The following PITPNC1 variants were observed in gnomAD, a reference collection of about 807,000 sequenced individuals.
PITPNC1 encodes cytoplasmic phosphatidylinositol transfer protein 1.
Under a neutral mutation model 44.7 loss-of-function variants are expected in PITPNC1, and 18 were observed. That is an observed-to-expected ratio of 0.40 (90% CI 0.28 to 0.60). PITPNC1 has a LOEUF of 0.60. Ranked by LOEUF, PITPNC1 falls within the 20% of genes least tolerant of loss-of-function variation. The pLI is 0.39. For missense variants in PITPNC1, 290 were observed against 418.4 expected (o/e 0.69, Z 2.68); for synonymous variants, 141 against 149.6 (o/e 0.94, Z 0.42).
chr17:67,594,755 A>G (rs1465771269), intron 5 of PITPNC1, among the ~76,000 whole-genome samples: 1 of 152,210 alleles, frequency 6.6e-6, no homozygotes, highest in African/African-American at 2.4e-5. Flanking sequence ...CTAGAGTCAA[A>G]CCAGGTGTCT....
chr17:67,650,381 C>T (rs1286344077), intron 6 of PITPNC1, among the ~76,000 whole-genome samples: 1 of 148,766 alleles, frequency 6.7e-6, no homozygotes, highest in Non-Finnish European at 1.5e-5. Flanking sequence ...TGCAAGTTCT[C>T]ATTTGCTTTC....
chr17:67,674,253 C>T (rs2042562901), intron 7 of PITPNC1, among the ~76,000 whole-genome samples: 1 of 152,018 alleles, frequency 6.6e-6, no homozygotes, highest in Admixed American at 6.6e-5. Context: ...CCTGTAATCC[C>T]AGCACTTTGG....
chr17:67,560,251 G>C (rs1461777995), intron 4 of PITPNC1, among the ~76,000 whole-genome samples: 1 of 152,070 alleles, frequency 6.6e-6, no homozygotes, highest in African/African-American at 2.4e-5. Context: ...TTCTCTTTAG[G>C]TCAGAGCCAT....
intron 2 of PITPNC1, among the ~76,000 whole-genome samples, chr17:67,536,718 A>G (rs904864154): frequency 6.6e-6 from 1 of 152,188 alleles, no homozygotes; most frequent in African/African-American, 2.4e-5. Flanking sequence ...ATAAAATGAA[A>G]TGTCAGATAC....
At chr17:67,632,011 G>A (rs2041977616) in intron 5 of PITPNC1, 132 bp from the exon 6 acceptor site, 2 of 615,586 alleles carry the variant, frequency 3.2e-6, no homozygotes, top group Non-Finnish European at 5.9e-6. Flanking sequence ...CGCATTCTGA[G>A]GCTGGTGAAA....
intron 4 of PITPNC1, among the ~76,000 whole-genome samples, chr17:67,571,016 G>A (rs78188322): frequency 0.016 from 2,487 of 152,214 alleles, 73 homozygotes; most frequent in African/African-American, 0.056. Context: ...CCTCAGAGTC[G>A]GTGATGCTTT....
At chr17:67,585,432 G>T (rs1354871785) in intron 5 of PITPNC1, among the ~76,000 whole-genome samples, 1 of 152,148 alleles carries the variant, frequency 6.6e-6, no homozygotes, top group Non-Finnish European at 1.5e-5. Flanking sequence ...AGGGGATTAA[G>T]TTAAAATGAG....
intron 5 of PITPNC1, among the ~76,000 whole-genome samples, chr17:67,605,409 G>C (rs1210676768): frequency 6.6e-6 from 1 of 152,164 alleles, no homozygotes; most frequent in African/African-American, 2.4e-5. Flanking sequence ...CTGCCAGCTG[G>C]CAGCCGCTGT....
intron 6 of PITPNC1, among the ~76,000 whole-genome samples, chr17:67,657,437 A>G (rs1317648803): frequency 6.6e-6 from 1 of 152,184 alleles, no homozygotes; most frequent in Non-Finnish European, 1.5e-5. Context: ...CTGGGCTATA[A>G]CAAAAACACC....
intron 1 of PITPNC1, among the ~76,000 whole-genome samples, chr17:67,455,968 T>C (rs1034415070): frequency 3.3e-5 from 5 of 152,364 alleles, no homozygotes; most frequent in East Asian, 1.9e-4. Context: ...CGTACACTTA[T>C]GTACCCAGCA....
At chr17:67,510,940 T>C (rs138348105) in intron 1 of PITPNC1, among the ~76,000 whole-genome samples, 78 of 152,232 alleles carry the variant, frequency 5.1e-4, no homozygotes, top group Non-Finnish European at 1.0e-3. Context: ...GAAAAGTACA[T>C]GTTCCTTATA....
intron 1 of PITPNC1, chr17:67,471,526 C>T: frequency 2.7e-6 from 1 of 365,454 alleles, no homozygotes; most frequent in Non-Finnish European, 5.2e-6. Flanking sequence ...GTGGTTTTTG[C>T]CATTACTTTC....
At chr17:67,437,522 T>C (rs2038953892) in intron 1 of PITPNC1, among the ~76,000 whole-genome samples, 1 of 152,142 alleles carries the variant, frequency 6.6e-6, no homozygotes, top group South Asian at 2.1e-4. Flanking sequence ...GGAGAACACA[T>C]TTCTGTTGCT....
At chr17:67,648,011 G>A (rs1231563004) in intron 6 of PITPNC1, among the ~76,000 whole-genome samples, 4 of 152,160 alleles carry the variant, frequency 2.6e-5, no homozygotes, top group Non-Finnish European at 4.4e-5. Flanking sequence ...GAGTTCTGAA[G>A]CTCAAATAAG....
intron 1 of PITPNC1, among the ~76,000 whole-genome samples, chr17:67,497,859 C>G (rs544450318): frequency 7.0e-5 from 10 of 142,854 alleles, no homozygotes; most frequent in Admixed American, 7.0e-4. Flanking sequence ...GTGTATTTTT[C>G]TTTCTTTTTT....
chr17:67,647,330 G>T (rs1405123709), intron 6 of PITPNC1, among the ~76,000 whole-genome samples: 2 of 151,850 alleles, frequency 1.3e-5, no homozygotes, highest in African/African-American at 4.8e-5. Flanking sequence ...TCACTTTGTT[G>T]CCCAGGCTGG....
chr17:67,389,956 G>C (rs887074117), intron 1 of PITPNC1, among the ~76,000 whole-genome samples: 8 of 152,082 alleles, frequency 5.3e-5, no homozygotes, highest in African/African-American at 1.7e-4. Flanking sequence ...TGGGATTACA[G>C]ACGCGAGCCA....
chr17:67,688,675 T>C (rs1039220991), intron 8 of PITPNC1, among the ~76,000 whole-genome samples: 2 of 152,196 alleles, frequency 1.3e-5, no homozygotes, highest in Non-Finnish European at 2.9e-5. Flanking sequence ...GAAACTCTCC[T>C]TGAATTTCTA....
chr17:67,631,657 A>AAAATATATATATATATATAT (rs1555574522), intron 5 of PITPNC1, among the ~76,000 whole-genome samples: 5 of 7,666 alleles, frequency 6.5e-4, no homozygotes, highest in Non-Finnish European at 1.5e-3. Context: ...AAAAAAAAAA[A>AAAATATATATATATATATAT]ATATATATAT....
Sources: gnomAD v4.1 joint callset for allele counts (sites outside exome capture counted in the v4.1 genomes callset) on GRCh38, gnomAD v4.1.1 for gene constraint, MANE v1.5 for transcripts, NCBI Gene and HGNC (gene_info 2026-07-23, HGNC 2026-07-21) for gene names.